The following RAB3B variants were observed in gnomAD, a reference collection of about 807,000 sequenced individuals.
RAB3B encodes RAB3B, member RAS oncogene family, also known as ras-related protein Rab-3B.
In RAB3B, 11 loss-of-function variants were observed where a neutral mutation model predicts 20.5. The observed-to-expected ratio is 0.54, with a 90% CI of 0.34 to 0.89. The LOEUF (loss-of-function observed/expected upper bound fraction) is 0.89, where lower values mean the gene tolerates loss of function less well. RAB3B is among the 40% of genes least tolerant of loss of function. The pLI is 0.02. For synonymous variants in RAB3B, 99 were observed against 106.3 expected, an observed-to-expected ratio of 0.93 and a Z score of 0.42; for missense variants, 225 against 280.9, an observed-to-expected ratio of 0.80 and a Z score of 1.42.
chr1:51,955,300 A>C (rs1322026064), intron 2 of RAB3B, among the ~76,000 whole-genome samples: 1 of 152,202 alleles, frequency 6.6e-6, no homozygotes, highest in Non-Finnish European at 1.5e-5. Context: ...AGCCGATGTG[A>C]ATGCCCACAG....
rs11326252 is a variant in RAB3B, at chr1:51,947,394, CAA to C, written c.229-9984_229-9983del. 4.9e-3 allele frequency among the ~76,000 whole-genome samples: 705 copies of C among 144,728 alleles called. 4 individuals are homozygous for C. The highest frequency in any genetic ancestry group is 0.013 in the African/African-American group (504 of 39,282). The allele number at this position is 144,728 out of a possible 152,430, so 94.9% of individuals were successfully genotyped here. A position where few individuals can be genotyped will look rare whatever the true frequency, so the allele number is the denominator to read the frequency against. On this transcript the variant is annotated intron_variant, in intron 2 of 4. Coordinates refer to ENST00000371655, the MANE Select transcript of RAB3B (RefSeq NM_002867.4). ...TGGGTGACAGAGTGGGACCTTGCCT[CAA>C]AAAAAAAAAAAAATTCAAATTCTGT... is the stretch of plus-strand genomic sequence containing the variant.
chr1:51,969,201 G>A (rs1387594629), intron 2 of RAB3B, among the ~76,000 whole-genome samples: 1 of 152,212 alleles, frequency 6.6e-6, no homozygotes. Context: ...TGAGGCTAAG[G>A]TGGGAGGATT....
chr1:51,982,635 C>T lies in RAB3B; in HGVS notation c.1-5518G>A, dbSNP rs527927730. ...AGGCGTGGTGGTGCGCACCTGTAATCCCAGCTACTCAGGAGGCTGAGGCAC... is the reference window on the plus strand; with the variant it reads ...AGGCGTGGTGGTGCGCACCTGTAATTCCAGCTACTCAGGAGGCTGAGGCAC... On this transcript the variant is annotated intron_variant, in intron 1 of 4. Coordinates refer to ENST00000371655, the MANE Select transcript of RAB3B (RefSeq NM_002867.4). Among the ~76,000 whole-genome samples, 64 of 152,012 alleles carry T rather than the reference C, an allele frequency of 4.2e-4. 2 individuals are homozygous for T. The highest frequency in any genetic ancestry group is 1.4e-3 in the African/African-American group (60 of 41,480).
intron 1 of RAB3B, among the ~76,000 whole-genome samples, chr1:51,989,103 G>GCGCGCACA (rs377673682): frequency 2.4e-4 from 32 of 132,758 alleles, no homozygotes; most frequent in African/African-American, 7.0e-4. Flanking sequence ...CTGTGCGCGC[G>GCGCGCACA]CACACACACA....
chr1:51,925,158 C>T (rs1362936477), intron 4 of RAB3B, among the ~76,000 whole-genome samples: 2 of 152,220 alleles, frequency 1.3e-5, no homozygotes, highest in Non-Finnish European at 2.9e-5. Context: ...CATCCCAACA[C>T]TGCTCCAGAA....
At chr1:51,984,263 TAAAAAAAA>T (rs1166997647) in intron 1 of RAB3B, among the ~76,000 whole-genome samples, 16 of 20,670 alleles carry the variant, frequency 7.7e-4, no homozygotes, top group Admixed American at 2.2e-3. Flanking sequence ...ACTCTCTAAT[TAAAAAAAA>T]AAAAAAAAAA....
rs1571954048 is a variant in RAB3B, at chr1:51,918,207, G to C, written c.*1720C>G. The C allele has an allele frequency of 6.6e-6, 1 of 152,188 alleles. No individual in the cohort carries two copies. Among genetic ancestry groups the C allele is most frequent in the Admixed American group, 6.5e-5 (1 of 15,284 alleles). The allele number at this position is 152,188 out of a possible 1,614,324, so 9.4% of individuals were successfully genotyped here. The stretch of plus-strand genomic sequence containing the variant: ...GTAGAAACTAAGGTTTCACTCCCAG[G>C]AGAAAGGGGTTGGGATCGGGATCTC... On this transcript the variant is annotated 3_prime_UTR_variant, in exon 5 of 5. Coordinates refer to ENST00000371655, the MANE Select transcript of RAB3B (RefSeq NM_002867.4).
rs1684022410 is a variant in RAB3B at position 51,912,611 on chromosome 1, A to C, written c.*7316T>G. The C allele has an allele frequency of 8.1e-6, 1 of 124,136 alleles. No homozygotes were observed. The highest frequency in any genetic ancestry group is 1.6e-5 in the Non-Finnish European group (1 of 60,826). 7.7% of individuals were successfully genotyped at this position (124,136 alleles called of 1,614,324 possible). A position where few individuals can be genotyped will look rare whatever the true frequency, so the allele number is the denominator to read the frequency against. On this transcript the variant is annotated 3_prime_UTR_variant, in exon 5 of 5. Coordinates refer to ENST00000371655, the MANE Select transcript of RAB3B (RefSeq NM_002867.4). ...TATATATATATATATAAAAAATGTT[A>C]CTCCTGTGAGACAGAATGGACTAGA...
chr1:51,908,793 T>C lies in RAB3B; in HGVS notation c.*11134A>G, dbSNP rs1683957565. ...ACCCTGCCATTTACTGCCTTCTCTA[T>C]GTAGTCTTGGATAGGTTGCTTCACT... On this transcript the variant is annotated 3_prime_UTR_variant, in exon 5 of 5. Coordinates refer to ENST00000371655, the MANE Select transcript of RAB3B (RefSeq NM_002867.4). The C allele has an allele frequency of 6.6e-6, 1 of 152,188 alleles. No homozygotes were observed. The highest frequency in any genetic ancestry group is 1.5e-5 in the Non-Finnish European group (1 of 68,108). 9.4% of individuals were successfully genotyped at this position (152,188 alleles called of 1,614,324 possible). A position where few individuals can be genotyped will look rare whatever the true frequency, so the allele number is the denominator to read the frequency against.
chr1:51,978,522 C>A (rs1291501937), intron 1 of RAB3B, among the ~76,000 whole-genome samples: 6 of 152,206 alleles, frequency 3.9e-5, no homozygotes, highest in Non-Finnish European at 7.3e-5. Flanking sequence ...GAGACCCCAG[C>A]CTTCTCAGTT....
intron 2 of RAB3B, among the ~76,000 whole-genome samples, chr1:51,965,811 T>C (rs958930698): frequency 1.3e-5 from 2 of 152,212 alleles, no homozygotes; most frequent in African/African-American, 2.4e-5. Flanking sequence ...TTAATCGTAT[T>C]GTACCAATGT....
chr1:51,989,101 G>GCACA (rs1553232373), intron 1 of RAB3B, among the ~76,000 whole-genome samples: 130 of 24,048 alleles, frequency 5.4e-3, no homozygotes, highest in African/African-American at 0.01. Flanking sequence ...ACCTGTGCGC[G>GCACA]CGCACACACA....
Position 51,920,090 on chromosome 1 carries a change from G to T in RAB3B, c.497C>A (p.Ala166Glu), listed in dbSNP as rs778880534. 11 of 1,612,292 alleles carry T rather than the reference G, an allele frequency of 6.8e-6. No individual in the cohort carries two copies. In the Admixed American group the frequency reaches 1.8e-4, roughly 27 times the overall value. ...CTGCCTTACACTGATGTTCTCCTTTGCACTGGCTTCAAAGAAATCAAACCC... is the reference window on the plus strand; with the variant it reads ...CTGCCTTACACTGATGTTCTCCTTTTCACTGGCTTCAAAGAAATCAAACCC... ...QLGFDFFEAS[A>E]KENISVRQAF... Residue 166 changes from alanine (A) to glutamate (E), a missense_variant, in exon 5 of 5, where the codon GCA (alanine) becomes GAA (glutamate). By Grantham distance (107) the Ala-to-Glu change is moderately radical (BLOSUM62 -1). Coordinates refer to ENST00000371655, the MANE Select transcript of RAB3B (RefSeq NM_002867.4).
Position 51,912,323 on chromosome 1 carries a change from AG to A in RAB3B, c.*7603del, listed in dbSNP as rs1684011678. 6.7e-6 allele frequency: 1 copy of A among 149,684 alleles called. No homozygotes were observed. The highest frequency in any genetic ancestry group is 2.1e-4 in the South Asian group (1 of 4,778). The allele number at this position is 149,684 out of a possible 1,614,324, so 9.3% of individuals were successfully genotyped here. A position where few individuals can be genotyped will look rare whatever the true frequency, so the allele number is the denominator to read the frequency against. On this transcript the variant is annotated 3_prime_UTR_variant, in exon 5 of 5. Transcript: ENST00000371655. ...AATTTTTTGTATTTTTTGTAGAGAC[AG>A]GGTTTCACCGTCTTGCCAAGGTTTG...
chr1:51,914,109 G>A lies in RAB3B; in HGVS notation c.*5818C>T, dbSNP rs986289392. ...GATACATGTTTGTTGTTTTAAGCCT[G>A]TAAGTTTTGGAGTGGTTGGTTACGT... is the stretch of plus-strand genomic sequence containing the variant. On this transcript the variant is annotated 3_prime_UTR_variant, in exon 5 of 5. Coordinates refer to ENST00000371655, the MANE Select transcript of RAB3B (RefSeq NM_002867.4). 6.6e-6 allele frequency: 1 copy of A among 152,216 alleles called. No individual in the cohort carries two copies. The highest frequency in any genetic ancestry group is 2.4e-5 in the African/African-American group (1 of 41,440). The allele number at this position is 152,216 out of a possible 1,614,324, so 9.4% of individuals were successfully genotyped here.
At chr1:51,972,186 A>G (rs1228711292) in intron 2 of RAB3B, among the ~76,000 whole-genome samples, 3 of 152,228 alleles carry the variant, frequency 2.0e-5, no homozygotes, top group Non-Finnish European at 2.9e-5. Flanking sequence ...AAGAAAAAAA[A>G]GCAGTGTGCA....
At chr1:51,978,982 T>A (rs976979775) in intron 1 of RAB3B, among the ~76,000 whole-genome samples, 2 of 152,252 alleles carry the variant, frequency 1.3e-5, no homozygotes, top group African/African-American at 4.8e-5. Flanking sequence ...TGGACTCCTG[T>A]GGTCTCTGTT....
At chr1:51,939,568 G>A (rs369600438) in intron 2 of RAB3B, among the ~76,000 whole-genome samples, 14 of 151,202 alleles carry the variant, frequency 9.3e-5, no homozygotes, top group Admixed American at 5.9e-4. Flanking sequence ...GACTACAGGC[G>A]CTCGCCAGTG....
rs1232863938 is a variant in RAB3B, at chr1:51,912,592, TATATATATAA to T, written c.*7325_*7334del. On this transcript the variant is annotated 3_prime_UTR_variant, in exon 5 of 5. Transcript: ENST00000371655. Reference sequence around the variant, plus strand: ...ATATATATATATATATATATATATATATATATATAAAAAATGTTACTCCTGTGAGACAGAA... The same window carrying T: ...ATATATATATATATATATATATATATAAAATGTTACTCCTGTGAGACAGAA... The T allele has an allele frequency of 0.11, 4,734 of 41,746 alleles. 1,541 individuals are homozygous for T. Among genetic ancestry groups the T allele is most frequent in the African/African-American group, 0.14 (1,753 of 12,116 alleles). The allele number at this position is 41,746 out of a possible 1,614,324, so 2.6% of individuals were successfully genotyped here.
Sources: allele counts gnomAD v4.1 joint callset (sites outside exome capture counted in the v4.1 genomes callset), GRCh38; gene constraint gnomAD v4.1.1; transcripts MANE v1.5; gene names NCBI Gene and HGNC (gene_info 2026-07-23, HGNC 2026-07-21).